RAP1GDS1: variants seen among roughly 807,000 people sequenced by gnomAD.
RAP1GDS1 encodes RAP1, GTP-GDP dissociation stimulator 1.
Under a neutral mutation model 71.1 loss-of-function variants are expected in RAP1GDS1, and 35 were observed. That is an observed-to-expected ratio of 0.49 (90% CI 0.38 to 0.65). The LOEUF (loss-of-function observed/expected upper bound fraction) is 0.65, where lower values mean the gene tolerates loss of function less well. Among genes scored for constraint, RAP1GDS1 ranks in the 30% least tolerant of loss-of-function variants. The probability of loss-of-function intolerance (pLI) is 0.00; values close to 1 mark genes in which losing one functional copy is unlikely to be tolerated. For missense variants in RAP1GDS1, 663 were observed against 706.1 expected, an observed-to-expected ratio of 0.94 and a Z score of 0.69; for synonymous variants, 229 against 243.1, an observed-to-expected ratio of 0.94 and a Z score of 0.54.
intron 4 of RAP1GDS1, among the ~76,000 whole-genome samples, chr4:98,361,229 A>G (rs1195853045): frequency 6.6e-6 from 1 of 151,850 alleles, no homozygotes; most frequent in Non-Finnish European, 1.5e-5. Flanking sequence ...ATATATACAT[A>G]TATATATAGT....
At chr4:98,428,203 G>C (rs1249359060) in intron 12 of RAP1GDS1, among the ~76,000 whole-genome samples, 1 of 152,030 alleles carries the variant, frequency 6.6e-6, no homozygotes, top group Non-Finnish European at 1.5e-5. Flanking sequence ...AAATCAACTT[G>C]AGATGGATCA....
At chr4:98,418,580 A>G in intron 9 of RAP1GDS1, 77 bp from the exon 10 acceptor site, 1 of 1,275,292 alleles carries the variant, frequency 7.8e-7, no homozygotes, top group African/African-American at 1.6e-5. Context: ...AATGTAGATA[A>G]TAGCCAGACA....
intron 1 of RAP1GDS1, among the ~76,000 whole-genome samples, chr4:98,284,761 A>G (rs967963962): frequency 1.3e-5 from 2 of 152,166 alleles, no homozygotes; most frequent in African/African-American, 2.4e-5. Context: ...TGGAGCCCTG[A>G]GAAATCCGAG....
chr4:98,398,802 A>G (rs143574549), intron 6 of RAP1GDS1, among the ~76,000 whole-genome samples: 1 of 152,314 alleles, frequency 6.6e-6, no homozygotes, highest in East Asian at 1.9e-4. Flanking sequence ...ACTAGCTGAA[A>G]AGGAGATCAA....
chr4:98,341,356 G>C (rs1207169333), intron 2 of RAP1GDS1, among the ~76,000 whole-genome samples: 2 of 152,204 alleles, frequency 1.3e-5, no homozygotes, highest in African/African-American at 4.8e-5. Flanking sequence ...TTTAATCTGT[G>C]GAAAGTGTCA....
At chr4:98,383,291 A>G (rs560902709) in intron 5 of RAP1GDS1, among the ~76,000 whole-genome samples, 1 of 151,696 alleles carries the variant, frequency 6.6e-6, no homozygotes, top group Non-Finnish European at 1.5e-5. Flanking sequence ...AAGCTATGCC[A>G]TAAGAGAGAA....
chr4:98,365,107 G>A (rs1379367579), intron 4 of RAP1GDS1, among the ~76,000 whole-genome samples: 1 of 152,128 alleles, frequency 6.6e-6, no homozygotes, highest in Non-Finnish European at 1.5e-5. Context: ...AGAGAAGTGT[G>A]TGAAATACTG....
rs73834440 is a variant in RAP1GDS1 at position 98,343,659 on chromosome 4, A to G, written c.235+398A>G. On this transcript the variant is annotated intron_variant, in intron 3 of 14. Transcript: ENST00000408927. ...TCACTGTTCTTTTTTAGTTTGGCCTATTGTTCCGACATTGGCACTTCAACA... is the reference window on the plus strand; with the variant it reads ...TCACTGTTCTTTTTTAGTTTGGCCTGTTGTTCCGACATTGGCACTTCAACA... Among the ~76,000 whole-genome samples the G allele has an allele frequency of 5.0e-3, 754 of 152,228 alleles. 7 individuals are homozygous for G. The highest frequency in any genetic ancestry group is 0.018 in the South Asian group (85 of 4,824).
At chr4:98,386,338 T>C (rs3775538) in intron 5 of RAP1GDS1, among the ~76,000 whole-genome samples, 21,335 of 151,880 alleles carry the variant, frequency 0.14, 2,175 homozygotes, top group African/African-American at 0.28. Flanking sequence ...ATTTTTGCTT[T>C]GGCATTTTTT....
At chr4:98,374,257 C>T (rs1031182683) in intron 4 of RAP1GDS1, among the ~76,000 whole-genome samples, 4 of 152,036 alleles carry the variant, frequency 2.6e-5, no homozygotes, top group East Asian at 1.9e-4. Flanking sequence ...TCTATGAGTT[C>T]GCTGAGTCTT....
chr4:98,374,320 G>T (rs1022769336), intron 4 of RAP1GDS1, among the ~76,000 whole-genome samples: 4 of 151,978 alleles, frequency 2.6e-5, no homozygotes, highest in African/African-American at 9.7e-5. Flanking sequence ...TCTTTGTGTT[G>T]CTCCTTTCTA....
intron 1 of RAP1GDS1, among the ~76,000 whole-genome samples, chr4:98,288,327 C>T (rs1342805194): frequency 6.6e-6 from 1 of 152,086 alleles, no homozygotes; most frequent in African/African-American, 2.4e-5. Context: ...TGATGGTTTC[C>T]AGCTTCATCC....
intron 2 of RAP1GDS1, among the ~76,000 whole-genome samples, chr4:98,294,830 A>G (rs1727483078): frequency 6.6e-6 from 1 of 152,210 alleles, no homozygotes; most frequent in Admixed American, 6.6e-5. Context: ...TTTTTTTTAC[A>G]TGTGCCTGTA....
At position 98,437,028 on chromosome 4, in the gene RAP1GDS1, A is replaced by C; in HGVS notation, c.1656A>C (p.Lys552Asn). 6.2e-7 allele frequency: 1 copy of C among 1,612,630 alleles called. No homozygotes were observed. The highest frequency in any genetic ancestry group is 1.3e-5 in the African/African-American group (1 of 75,010). The change falls in exon 14 of 15, where the codon AAA becomes AAC. Residue 552 changes from lysine to asparagine, a missense_variant. Lys to Asn is a moderately conservative substitution (Grantham distance 94). Transcript: ENST00000408927. ...LADERSAPEI[K>N]YNSMVLICAL... ...ATGAGAGAAGTGCTCCTGAAATCAAATATAATTCCATGGTCCTGATATGTG... is the reference window on the plus strand; with the variant it reads ...ATGAGAGAAGTGCTCCTGAAATCAACTATAATTCCATGGTCCTGATATGTG...
rs1743787622 is a variant in RAP1GDS1, at chr4:98,392,095, T to C, written c.637+15T>C. ...AGCAGAACTTGGTAAGTCTTAGTCA[T>C]GAACCACAAATGTAATTAACTTATT... On this transcript the variant is annotated intron_variant, in intron 6 of 14. Transcript: ENST00000408927. The C allele has an allele frequency of 5.6e-6, 9 of 1,601,742 alleles. No individual in the cohort carries two copies. The highest frequency in any genetic ancestry group is 6.8e-6 in the Non-Finnish European group (8 of 1,173,490).
chr4:98,383,969 T>C (rs1337886561), intron 5 of RAP1GDS1, among the ~76,000 whole-genome samples: 4 of 151,598 alleles, frequency 2.6e-5, no homozygotes, highest in African/African-American at 9.7e-5. Flanking sequence ...CTTACTGTGG[T>C]TACAAGCTAG....
In RAP1GDS1 at chr4:98,411,952, C is replaced by T. The variant is rs149666590; in HGVS notation, c.764-4793C>T. Among the ~76,000 whole-genome samples the T allele has an allele frequency of 1.9e-3, 293 of 152,248 alleles. 1 individual carries two copies. Among genetic ancestry groups the T allele is most frequent in the African/African-American group, 6.7e-3 (277 of 41,554 alleles). ...GCCCTACTTTTAGCATGGCACAGTA[C>T]AAGTGTACCTTTTAAAGAAATATTC... On this transcript the variant is annotated intron_variant, in intron 7 of 14. Transcript: ENST00000408927.
Position 98,348,617 on chromosome 4 carries a change from A to C in RAP1GDS1, c.236-3859A>C, listed in dbSNP as rs531829119. 1.6e-3 allele frequency among the ~76,000 whole-genome samples: 245 copies of C among 152,230 alleles called. 14 individuals are homozygous for C. The East Asian group carries it at 0.046, about 28-fold the overall frequency. Reference sequence around the variant, plus strand: ...AAGTGTTCCTATTTCTCCACAGCCAATCCAGCACCTGTTGTTTCCTGACTT... The same window carrying C: ...AAGTGTTCCTATTTCTCCACAGCCACTCCAGCACCTGTTGTTTCCTGACTT... On this transcript the variant is annotated intron_variant, in intron 3 of 14. Transcript: ENST00000408927.
intron 7 of RAP1GDS1, among the ~76,000 whole-genome samples, chr4:98,413,094 C>A (rs1747312807): frequency 1.3e-5 from 2 of 152,086 alleles, no homozygotes; most frequent in South Asian, 4.2e-4. Context: ...CCCTAATAAG[C>A]CTGAGGGTAC....
Sources: allele counts gnomAD v4.1 joint callset (sites outside exome capture counted in the v4.1 genomes callset), GRCh38; gene constraint gnomAD v4.1.1; transcripts MANE v1.5; gene names NCBI Gene and HGNC (gene_info 2026-07-23, HGNC 2026-07-21).